Variants in FSTL4 observed in about 807,000 individuals in gnomAD.
The protein encoded by FSTL4 is follistatin-related protein 4.
Under a neutral mutation model 78.2 loss-of-function variants are expected in FSTL4, and 28 were observed. The observed-to-expected ratio is 0.36, with a 90% CI of 0.27 to 0.49. The LOEUF (loss-of-function observed/expected upper bound fraction) is 0.49. Among genes scored for constraint, FSTL4 ranks in the 20% least tolerant of loss-of-function variants. The pLI is 0.98. For synonymous variants in FSTL4, 422 were observed against 440.5 expected (o/e 0.96, Z 0.53); for missense variants, 922 against 1,084.9 (o/e 0.85, Z 2.11).
rs200410608 is a variant in FSTL4, at chr5:133,204,997, CTTT to C, written c.1717-2958_1717-2956del. On this transcript the variant is annotated intron_variant, in intron 14 of 15. Coordinates refer to ENST00000265342, the MANE Select transcript of FSTL4 (RefSeq NM_015082.2). The stretch of plus-strand genomic sequence containing the variant: ...GTAGGTTTATTCAAATGATTTCATA[CTTT>C]TTTTTTGTGATAATGCATATCCTAG... Among the ~76,000 whole-genome samples, 6 of 150,124 alleles carry C rather than the reference CTTT, an allele frequency of 4.0e-5. No individual in the cohort carries two copies. In the East Asian group the frequency reaches 9.7e-4, roughly 24 times the overall value.
chr5:133,269,010 T>C lies in FSTL4; in HGVS notation c.728-19434A>G, dbSNP rs959415883. Among the ~76,000 whole-genome samples, 136 of 151,910 alleles carry C rather than the reference T, an allele frequency of 9.0e-4. 1 individual carries two copies. Among genetic ancestry groups the C allele is most frequent in the Non-Finnish European group, 2.1e-4 (14 of 67,944 alleles). ...TCCTGGCTAACACGGTGAAACCCCA[T>C]CTCTACTAAAAATACAAAAAAATTA... On this transcript the variant is annotated intron_variant, in intron 6 of 15. Coordinates refer to ENST00000265342, the MANE Select transcript of FSTL4 (RefSeq NM_015082.2).
chr5:133,567,263 T>C, intron 2 of FSTL4, 44 bp from the exon 3 acceptor site: 2 of 1,373,304 alleles, frequency 1.5e-6, no homozygotes, highest in South Asian at 1.2e-5. Context: ...GAATAATTCA[T>C]ATGTACAGAT....
the FSTL4 span, among the ~76,000 whole-genome samples, chr5:133,692,064 G>T: frequency 1.3e-5 from 2 of 152,238 alleles, no homozygotes; most frequent in Non-Finnish European, 1.5e-5. Flanking sequence ...GAGAATTACA[G>T]CAAGGAGCTG....
chr5:133,359,116 A>G (rs892116503), intron 4 of FSTL4, among the ~76,000 whole-genome samples: 2 of 152,192 alleles, frequency 1.3e-5, no homozygotes, highest in Admixed American at 1.3e-4. Context: ...GTAACAATGC[A>G]TAGGATTTGG....
At chr5:133,788,482 C>T in the FSTL4 span, among the ~76,000 whole-genome samples, 6 of 152,364 alleles carry the variant, frequency 3.9e-5, no homozygotes, top group East Asian at 1.2e-3. Context: ...ACACCAGTAG[C>T]CTCCCAAGCC....
At chr5:133,631,373 A>G in the FSTL4 span, among the ~76,000 whole-genome samples, 1 of 152,240 alleles carries the variant, frequency 6.6e-6, no homozygotes, top group East Asian at 1.9e-4. Flanking sequence ...GAGGACATTT[A>G]TGCGGCCAAC....
At chr5:133,768,859 T>G in the FSTL4 span, among the ~76,000 whole-genome samples, 1 of 152,256 alleles carries the variant, frequency 6.6e-6, no homozygotes, top group Non-Finnish European at 1.5e-5. Flanking sequence ...TTAGCTCCAC[T>G]GCTGGGGTAC....
At chr5:133,600,205 T>C (rs256248) in intron 2 of FSTL4, among the ~76,000 whole-genome samples, 68,554 of 151,966 alleles carry the variant, frequency 0.45, 15,727 homozygotes, top group East Asian at 0.61. Flanking sequence ...AGATATTCAA[T>C]ATTTTATTAT....
At chr5:133,599,317 A>G (rs1234258847) in intron 2 of FSTL4, among the ~76,000 whole-genome samples, 1 of 152,140 alleles carries the variant, frequency 6.6e-6, no homozygotes, top group East Asian at 1.9e-4. Flanking sequence ...CAACACTTGT[A>G]GCAAGGGGAA....
At chr5:133,481,301 G>A (rs142184999) in intron 3 of FSTL4, among the ~76,000 whole-genome samples, 3,796 of 152,274 alleles carry the variant, frequency 0.025, 133 homozygotes, top group African/African-American at 0.086. Context: ...AGCACTTGGG[G>A]AGGCTGAGGT....
the FSTL4 span, among the ~76,000 whole-genome samples, chr5:133,839,851 A>T: frequency 6.6e-6 from 1 of 152,240 alleles, no homozygotes; most frequent in African/African-American, 2.4e-5. Context: ...AGAAGTTTTT[A>T]AAAGGCTTTT....
chr5:133,669,519 G>C, the FSTL4 span, among the ~76,000 whole-genome samples: 1 of 152,188 alleles, frequency 6.6e-6, no homozygotes, highest in African/African-American at 2.4e-5. Flanking sequence ...CGGTCAGCAA[G>C]GGCTGAAGTG....
intron 3 of FSTL4, among the ~76,000 whole-genome samples, chr5:133,433,933 AG>A (rs1338606758): frequency 6.6e-6 from 1 of 151,910 alleles, no homozygotes; most frequent in Non-Finnish European, 1.5e-5. Context: ...GTGGGATTCC[AG>A]GGGCCTCCGA....
At chr5:133,735,294 C>T in the FSTL4 span, among the ~76,000 whole-genome samples, 4 of 152,172 alleles carry the variant, frequency 2.6e-5, no homozygotes, top group African/African-American at 9.7e-5. Flanking sequence ...GAAACCCCGT[C>T]TCTAGTAAAA....
rs572526917 is a variant in FSTL4, at chr5:133,197,239, A to T, written c.*1856T>A. The T allele has an allele frequency of 7.3e-6, 1 of 137,096 alleles. No individual in the cohort carries two copies. The highest frequency in any genetic ancestry group is 1.5e-5 in the Non-Finnish European group (1 of 64,740). The allele number at this position is 137,096 out of a possible 1,614,324, so 8.5% of individuals were successfully genotyped here. On this transcript the variant is annotated 3_prime_UTR_variant, in exon 16 of 16. Coordinates refer to ENST00000265342, the MANE Select transcript of FSTL4 (RefSeq NM_015082.2). ...ATGAAAGTTGGAGAATTTTAGTGGT[A>T]AAAATGGGAGATTGGGAGTAAACAT...
rs775276500 is a variant in FSTL4 at position 133,316,590 on chromosome 5, G to A, written c.472C>T (p.Arg158Cys). ...TCTCCTTCTTGGAGTGGCTGCAGACGGGTCTGGAGTGCCAGAAGGACATTC... is the reference window on the plus strand; with the variant it reads ...TCTCCTTCTTGGAGTGGCTGCAGACAGGTCTGGAGTGCCAGAAGGACATTC... ...LKNVLLALQT[R>C]LQPLQEGDSR... The change falls in exon 5 of 16, where the codon CGT becomes TGT. Residue 158 changes from arginine to cysteine, a missense_variant. Arg to Cys is a radical substitution (Grantham distance 180, BLOSUM62 -3). Transcript: ENST00000265342. 1.2e-6 allele frequency: 2 copies of A among 1,614,140 alleles called. No individual in the cohort carries two copies. The highest frequency in any genetic ancestry group is 2.2e-5 in the East Asian group (1 of 44,882).
chr5:133,312,899 G>T, intron 5 of FSTL4, 122 bp from the exon 6 acceptor site: 1 of 813,378 alleles, frequency 1.2e-6, no homozygotes, highest in Non-Finnish European at 1.9e-6. Flanking sequence ...AGGGGTACCT[G>T]AAGCTCTTTG....
chr5:133,604,674 A>C (rs1166478042), intron 1 of FSTL4, among the ~76,000 whole-genome samples: 2 of 152,176 alleles, frequency 1.3e-5, no homozygotes, highest in African/African-American at 4.8e-5. Context: ...ATACCTCTGC[A>C]CTTTAACCTG....
At chr5:133,249,194 C>G (rs1752133960) in intron 7 of FSTL4, among the ~76,000 whole-genome samples, 1 of 152,254 alleles carries the variant, frequency 6.6e-6, no homozygotes, top group South Asian at 2.1e-4. Context: ...CTCTTCTCTT[C>G]CTTAGCCGGA....
Sources: gnomAD v4.1 joint callset for allele counts (sites outside exome capture counted in the v4.1 genomes callset) on GRCh38, gnomAD v4.1.1 for gene constraint, MANE v1.5 for transcripts, NCBI Gene and HGNC (gene_info 2026-07-23, HGNC 2026-07-21) for gene names.